The following DOCK1 variants were observed in gnomAD, a reference collection of about 807,000 sequenced individuals.
DOCK1 encodes the protein dedicator of cytokinesis protein 1.
Under a neutral mutation model 262.7 loss-of-function variants are expected in DOCK1, and 138 were observed. That is an observed-to-expected ratio of 0.53 (90% CI 0.46 to 0.61). The LOEUF is 0.61. Ranked by LOEUF, DOCK1 falls within the 20% of genes least tolerant of loss-of-function variation. The pLI, the probability that DOCK1 is intolerant of heterozygous loss-of-function variation, is 0.00. For missense variants in DOCK1, 1,908 were observed against 2,370.7 expected, an observed-to-expected ratio of 0.80 and a Z score of 4.05; for synonymous variants, 866 against 867.4, an observed-to-expected ratio of 1.00 and a Z score of 0.03.
chr10:126,999,677 G>A (rs2040446772), intron 9 of DOCK1, among the ~76,000 whole-genome samples: 1 of 151,934 alleles, frequency 6.6e-6, no homozygotes. Context: ...AATGTGTATC[G>A]TTTTTATTTT....
At chr10:126,998,399 G>A (rs2040360915) in intron 8 of DOCK1, 150 bp downstream of exon 8, 1 of 1,085,210 alleles carries the variant, frequency 9.2e-7, no homozygotes, top group Non-Finnish European at 1.3e-6. Context: ...AGCTGTCTTA[G>A]ACAGTGTGAT....
intron 47 of DOCK1, among the ~76,000 whole-genome samples, chr10:127,430,303 G>C (rs926287745): frequency 6.6e-6 from 1 of 152,138 alleles, no homozygotes; most frequent in Non-Finnish European, 1.5e-5. Flanking sequence ...TCTTAACTGG[G>C]ATCCATGAGA....
intron 23 of DOCK1, among the ~76,000 whole-genome samples, chr10:127,082,621 T>A (rs2046970479): frequency 6.6e-6 from 1 of 151,824 alleles, no homozygotes; most frequent in Non-Finnish European, 1.5e-5. Flanking sequence ...TACATGGGGA[T>A]GATGGGAGCT....
At chr10:127,180,716 A>G (rs2055643329) in intron 27 of DOCK1, among the ~76,000 whole-genome samples, 1 of 152,258 alleles carries the variant, frequency 6.6e-6, no homozygotes, top group Admixed American at 6.5e-5. Context: ...ATGGCTAACA[A>G]TAGGTAAACA....
intron 29 of DOCK1, among the ~76,000 whole-genome samples, chr10:127,309,359 T>C (rs1370233485): frequency 6.6e-6 from 1 of 152,208 alleles, no homozygotes; most frequent in Non-Finnish European, 1.5e-5. Flanking sequence ...GATGGGTAGA[T>C]TGCAAAAATT....
intron 11 of DOCK1, among the ~76,000 whole-genome samples, chr10:127,010,202 C>T (rs958334618): frequency 1.3e-5 from 2 of 152,220 alleles, no homozygotes; most frequent in African/African-American, 4.8e-5. Flanking sequence ...CGCAGTGGCT[C>T]ATGCCTGTAA....
intron 23 of DOCK1, among the ~76,000 whole-genome samples, chr10:127,090,823 A>G (rs2047477137): frequency 6.6e-6 from 1 of 152,098 alleles, no homozygotes; most frequent in African/African-American, 2.4e-5. Flanking sequence ...TTGGCACCCC[A>G]TTACTGTTCA....
rs1216796366 is a variant in DOCK1 at position 127,374,209 on chromosome 10, G to A, written c.3670G>A (p.Val1224Met). The change falls in exon 35 of 52, where the codon GTG (valine) becomes ATG (methionine). Residue 1224 changes from valine (V) to methionine (M), a missense_variant. Val to Met is a conservative substitution (Grantham distance 21). Around this residue, in one of 9 missense-constraint regions of DOCK1, gnomAD observed 267 missense variants for 366.3 expected, o/e 0.73. Transcript: ENST00000623213. Reference sequence around the variant, plus strand: ...AAACCGCATGAGCTGCACCGTCAATGTGCTGGTGAGTGAAAGCTTAATCAC... The same window carrying A: ...AAACCGCATGAGCTGCACCGTCAATATGCTGGTGAGTGAAAGCTTAATCAC... The part of the protein sequence containing the change: ...KENRMSCTVN[V>M]LNFYKEIERE... The A allele has an allele frequency of 6.2e-7, 1 of 1,603,968 alleles. No individual in the cohort carries two copies. Among genetic ancestry groups the A allele is most frequent in the Admixed American group, 1.7e-5 (1 of 57,342 alleles).
At chr10:127,241,710 T>C (rs916988003) in intron 27 of DOCK1, among the ~76,000 whole-genome samples, 1 of 152,160 alleles carries the variant, frequency 6.6e-6, no homozygotes, top group Admixed American at 6.5e-5. Flanking sequence ...GCTGATATGC[T>C]GGGAGCTGAG....
intron 10 of DOCK1, among the ~76,000 whole-genome samples, chr10:127,003,200 ATGAACCTGCG>A (rs145674020): frequency 0.1 from 15,673 of 151,112 alleles, 953 homozygotes; most frequent in Middle Eastern, 0.14. Context: ...GTGAACCTGC[ATGAACCTGCG>A]TGAACCTGTG....
chr10:127,002,685 C>T (rs905613576), intron 10 of DOCK1, among the ~76,000 whole-genome samples: 6 of 152,176 alleles, frequency 3.9e-5, no homozygotes, highest in Non-Finnish European at 7.4e-5. Context: ...GAGCCCCTAC[C>T]TGTGTAGTGT....
In DOCK1 at chr10:127,176,555, C is replaced by T. The variant is rs765563020; in HGVS notation, c.2847+48791C>T. Among the ~76,000 whole-genome samples, 36 of 152,202 alleles carry T rather than the reference C, an allele frequency of 2.4e-4. No homozygotes were observed. Among genetic ancestry groups the T allele is most frequent in the Non-Finnish European group, 4.3e-4 (29 of 68,048 alleles). ...TTTATGTTAAGGAAAATCACACGGG[C>T]TGAGAGTCGCTGGCAGCACAGCTTG... On this transcript the variant is annotated intron_variant, in intron 27 of 51. Transcript: ENST00000623213. The surrounding 1 kb of genome is among the most constrained non-coding windows in gnomAD (Gnocchi z 4.4).
intron 29 of DOCK1, among the ~76,000 whole-genome samples, chr10:127,312,688 C>T (rs1384160838): frequency 5.9e-5 from 9 of 151,930 alleles, no homozygotes; most frequent in African/African-American, 2.2e-4. Context: ...AATGCCTGTC[C>T]CTCCTCTATT....
At chr10:127,065,263 G>A (rs1176155253) in intron 23 of DOCK1, among the ~76,000 whole-genome samples, 6 of 152,090 alleles carry the variant, frequency 3.9e-5, no homozygotes, top group Middle Eastern at 3.4e-3. Context: ...CACCCGCCTC[G>A]GCCTCCCAAA....
intron 27 of DOCK1, among the ~76,000 whole-genome samples, chr10:127,196,528 G>T (rs892854472): frequency 6.8e-6 from 1 of 147,882 alleles, no homozygotes; most frequent in Non-Finnish European, 1.5e-5. Context: ...CCAGAGGCGA[G>T]GGCGCCCCAA....
intron 27 of DOCK1, among the ~76,000 whole-genome samples, chr10:127,205,791 A>G (rs576895580): frequency 7.2e-5 from 11 of 152,332 alleles, no homozygotes; most frequent in African/African-American, 2.6e-4. Flanking sequence ...TAAAGCAGAA[A>G]TGTCTATATA....
rs547764367 is a variant in DOCK1, at chr10:127,439,111, G to A, written c.5145G>A (p.Lys1715=). 3 of 1,582,632 alleles carry A rather than the reference G, an allele frequency of 1.9e-6. No individual in the cohort carries two copies. The South Asian group carries it at 3.5e-5, about 18-fold the overall frequency. Reference sequence around the variant, plus strand: ...ACAAGGATGACCTGGAGAAGGAGAAGAAGGACAAGAAGAAGGAAAAAAGGA... The same window carrying A: ...ACAAGGATGACCTGGAGAAGGAGAAAAAGGACAAGAAGAAGGAAAAAAGGA... The part of the protein sequence containing the change: ...KLDKDDLEKE[K]KDKKKEKRNS... Residue 1715 remains lysine, a synonymous_variant, in exon 49 of 52, where the codon AAG becomes AAA. Transcript: ENST00000623213.
intron 47 of DOCK1, among the ~76,000 whole-genome samples, chr10:127,429,076 A>ATGTGGATTGGGGTGCCG (rs971915772): frequency 8.2e-4 from 90 of 109,482 alleles, no homozygotes; most frequent in Non-Finnish European, 1.3e-3. Context: ...TTGGGGTACC[A>ATGTGGATTGGGGTGCCG]TGTGGATTGG....
rs2069809111 is a variant in DOCK1, at chr10:127,437,938, G to A, written c.5061-1089G>A. 1.3e-5 allele frequency among the ~76,000 whole-genome samples: 2 copies of A among 152,326 alleles called. No homozygotes were observed. The highest frequency in any genetic ancestry group is 1.9e-4 in the East Asian group (1 of 5,168). On this transcript the variant is annotated intron_variant, in intron 48 of 51. Coordinates refer to ENST00000623213, the MANE Select transcript of DOCK1 (RefSeq NM_001290223.2). The surrounding 1 kb of genome is among the most constrained non-coding windows in gnomAD (Gnocchi z 4.4). ...CTTGAAGAAGCCAATTGCTTCTCCAGGCGGTCAAGGAAGTCAGGTTTGGAA... is the reference window on the plus strand; with the variant it reads ...CTTGAAGAAGCCAATTGCTTCTCCAAGCGGTCAAGGAAGTCAGGTTTGGAA...
Sources: gnomAD v4.1 joint callset for allele counts (sites outside exome capture counted in the v4.1 genomes callset) on GRCh38, gnomAD v4.1.1 for gene constraint, gnomAD v4.1.1 regional missense constraint, Gnocchi (gnomAD v3.1) non-coding constraint, MANE v1.5 for transcripts, NCBI Gene and HGNC (gene_info 2026-07-23, HGNC 2026-07-21) for gene names.